Variants in DNAH7 observed in about 807,000 individuals in gnomAD.
The protein encoded by DNAH7 is axonemal beta dynein heavy chain 7.
DNAH7 carries 397 observed loss-of-function variants against 444.6 expected under a neutral mutation model. The ratio of observed to expected loss-of-function variants is 0.89; its 90% CI spans 0.82 to 0.97. The LOEUF (loss-of-function observed/expected upper bound fraction) is 0.97. Among genes scored for constraint, DNAH7 ranks in the 50% least tolerant of loss-of-function variants. DNAH7 has a pLI of 0.00. For synonymous variants in DNAH7, 1,636 were observed against 1,624.4 expected (o/e 1.01, Z -0.17); for missense variants, 4,902 against 4,800.8 (o/e 1.02, Z -0.62).
intron 61 of DNAH7, among the ~76,000 whole-genome samples, chr2:195,758,760 T>C (rs1694204864): frequency 6.6e-6 from 1 of 152,196 alleles, no homozygotes; most frequent in Non-Finnish European, 1.5e-5. Flanking sequence ...ATTGAGACTG[T>C]ACTGGAACTC....
chr2:195,819,149 G>A (rs1312342203), intron 49 of DNAH7, among the ~76,000 whole-genome samples: 1 of 151,938 alleles, frequency 6.6e-6, no homozygotes, highest in African/African-American at 2.4e-5. Flanking sequence ...ATCTGTCAGT[G>A]TGCAGATCAA....
Position 195,875,947 on chromosome 2 carries a change from G to C in DNAH7, c.6118-104C>G, listed in dbSNP as rs1327398458. On this transcript the variant is annotated intron_variant, in intron 37 of 64. Coordinates refer to ENST00000312428, the MANE Select transcript of DNAH7 (RefSeq NM_018897.3). ...AAATACTTAGCTATCTATTTGCAGA[G>C]TACATATGAGGAAGTGATGGTTTCT... 1.4e-4 allele frequency: 148 copies of C among 1,049,052 alleles called. No homozygotes were observed. The East Asian group carries it at 3.2e-3, about 23-fold the overall frequency. The allele number at this position is 1,049,052 out of a possible 1,614,324, so 65.0% of individuals were successfully genotyped here.
intron 5 of DNAH7, 58 bp downstream of exon 5, chr2:196,047,294 A>T: frequency 7.0e-7 from 1 of 1,420,620 alleles, no homozygotes; most frequent in Non-Finnish European, 9.4e-7. Flanking sequence ...TTCTTAGGTT[A>T]AACGTTGCCA....
chr2:195,799,679 A>G (rs1356389066), intron 54 of DNAH7, among the ~76,000 whole-genome samples: 2 of 152,106 alleles, frequency 1.3e-5, no homozygotes, highest in Admixed American at 1.3e-4. Flanking sequence ...ATAAAAGATT[A>G]GTGGTAATTG....
At position 195,864,913 on chromosome 2, in the gene DNAH7, G is replaced by A. The variant is rs747696970; in HGVS notation, c.6742C>T (p.Leu2248Phe). The change falls in exon 41 of 65, where the codon CTT (leucine) becomes TTT (phenylalanine). Residue 2248 changes from leucine to phenylalanine, a missense_variant. Physicochemically the swap from Leu to Phe is conservative, Grantham distance 22. Transcript: ENST00000312428. ...TTATCAAAATCCAAACGCTGAAAAA[G>A]CTCATGAAAATCTTCATACATGTAG... ...RNYMYEDFHE[L>F]FQRLDFDNDG... The A allele has an allele frequency of 6.2e-7, 1 of 1,613,040 alleles. No individual in the cohort carries two copies. The highest frequency in any genetic ancestry group is 1.1e-5 in the South Asian group (1 of 91,076).
At chr2:196,057,808 T>C (rs982801161) in intron 2 of DNAH7, among the ~76,000 whole-genome samples, 4 of 152,340 alleles carry the variant, frequency 2.6e-5, no homozygotes, top group African/African-American at 9.6e-5. Context: ...GCAAATTTTA[T>C]TCTGTAAAAT....
intron 40 of DNAH7, among the ~76,000 whole-genome samples, chr2:195,871,570 T>C (rs1700689958): frequency 6.6e-6 from 1 of 151,932 alleles, no homozygotes; most frequent in Non-Finnish European, 1.5e-5. Context: ...TTTTGGCATC[T>C]AGTAATACTA....
At chr2:195,942,271 A>G (rs973646784) in intron 19 of DNAH7, among the ~76,000 whole-genome samples, 1 of 152,094 alleles carries the variant, frequency 6.6e-6, no homozygotes, top group African/African-American at 2.4e-5. Flanking sequence ...GCAGATATTT[A>G]GAGGTAGCAC....
chr2:195,938,372 A>ACACACACACC (rs1553569443), intron 19 of DNAH7, among the ~76,000 whole-genome samples: 1 of 151,826 alleles, frequency 6.6e-6, no homozygotes, highest in Admixed American at 6.6e-5. Flanking sequence ...ACACACACAC[A>ACACACACACC]CACACACACA....
intron 2 of DNAH7, among the ~76,000 whole-genome samples, chr2:196,053,954 A>G (rs1697644608): frequency 6.6e-6 from 1 of 152,176 alleles, no homozygotes; most frequent in Non-Finnish European, 1.5e-5. Context: ...ATGTGTTCCC[A>G]CTGGCATAGC....
chr2:195,855,429 C>A (rs1442878558), intron 45 of DNAH7, among the ~76,000 whole-genome samples: 1 of 151,896 alleles, frequency 6.6e-6, no homozygotes, highest in Non-Finnish European at 1.5e-5. Flanking sequence ...TCCTTACTTG[C>A]AAAGTGAAAA....
At chr2:195,875,441 C>G (rs1391644069) in intron 38 of DNAH7, among the ~76,000 whole-genome samples, 2 of 150,094 alleles carry the variant, frequency 1.3e-5, no homozygotes, top group South Asian at 2.1e-4. Context: ...GAAAAAAGTT[C>G]CAGAAGGTGG....
At chr2:196,060,954 A>G (rs1698100316) in intron 1 of DNAH7, among the ~76,000 whole-genome samples, 1 of 152,150 alleles carries the variant, frequency 6.6e-6, no homozygotes, top group Non-Finnish European at 1.5e-5. Context: ...CTCATTTTTT[A>G]AAGTTCATTT....
intron 39 of DNAH7, among the ~76,000 whole-genome samples, 181 bp from the exon 40 acceptor site, chr2:195,872,650 A>T (rs190475502): frequency 6.6e-6 from 1 of 152,194 alleles, no homozygotes; most frequent in East Asian, 1.9e-4. Flanking sequence ...TTTTAAAGCT[A>T]TTTTCCATGT....
chr2:196,007,807 T>G (rs1694475012), intron 10 of DNAH7, among the ~76,000 whole-genome samples: 1 of 152,198 alleles, frequency 6.6e-6, no homozygotes. Flanking sequence ...CATGTGGAAC[T>G]GTGAGCCAAT....
intron 61 of DNAH7, among the ~76,000 whole-genome samples, chr2:195,769,847 C>G (rs754728059): frequency 4.6e-5 from 7 of 152,072 alleles, no homozygotes; most frequent in Non-Finnish European, 1.0e-4. Context: ...CAAATATAAT[C>G]AACGTGATAC....
At chr2:196,020,759 C>A (rs776690340) in intron 8 of DNAH7, among the ~76,000 whole-genome samples, 3 of 151,914 alleles carry the variant, frequency 2.0e-5, no homozygotes, top group Admixed American at 1.3e-4. Context: ...TACAAGTGCA[C>A]GCCACCATGC....
intron 19 of DNAH7, among the ~76,000 whole-genome samples, chr2:195,937,521 A>G (rs535073490): frequency 2.1e-3 from 318 of 152,354 alleles, no homozygotes; most frequent in Admixed American, 3.9e-3. Context: ...TGTATTCAAA[A>G]TAAGAATTAT....
chr2:195,900,578 TA>T, intron 27 of DNAH7, 84 bp from the exon 28 acceptor site: 3 of 1,280,040 alleles, frequency 2.3e-6, no homozygotes, highest in Non-Finnish European at 3.3e-6. Flanking sequence ...ACGCTCTCAC[TA>T]ATATGTGGAG....
Sources: gnomAD v4.1 joint callset for allele counts (sites outside exome capture counted in the v4.1 genomes callset) on GRCh38, gnomAD v4.1.1 for gene constraint, MANE v1.5 for transcripts, NCBI Gene and HGNC (gene_info 2026-07-23, HGNC 2026-07-21) for gene names.